RIT2: variants seen among roughly 807,000 people sequenced by gnomAD.
RIT2 encodes the protein GTP-binding protein Rit2.
In RIT2, 24 loss-of-function variants were observed where a neutral mutation model predicts 23.7. That is an observed-to-expected ratio of 1.01 (90% confidence interval 0.73 to 1.43). The LOEUF is 1.43. RIT2 is among the 40% of genes most tolerant of loss of function. The pLI is 0.00. For synonymous variants in RIT2, 107 were observed against 91.1 expected (o/e 1.17, Z -0.99); for missense variants, 236 against 266.9 (o/e 0.88, Z 0.81).
intron 4 of RIT2, among the ~76,000 whole-genome samples, chr18:42,842,217 G>C (rs1236485698): frequency 6.6e-6 from 1 of 152,114 alleles, no homozygotes; most frequent in Non-Finnish European, 1.5e-5. Flanking sequence ...TGCATTCATT[G>C]ATCCATTTAT....
intron 1 of RIT2, among the ~76,000 whole-genome samples, chr18:43,084,141 T>C (rs903405361): frequency 6.6e-6 from 1 of 152,148 alleles, no homozygotes; most frequent in African/African-American, 2.4e-5. Context: ...AAAAAGCTCA[T>C]CATCACTGGT....
chr18:42,811,453 T>C (rs929601825), intron 4 of RIT2, among the ~76,000 whole-genome samples: 2 of 152,086 alleles, frequency 1.3e-5, no homozygotes, highest in African/African-American at 2.4e-5. Flanking sequence ...CAGAACCATA[T>C]GTTAGTGATC....
At chr18:43,107,167 A>G (rs1913842686) in intron 1 of RIT2, among the ~76,000 whole-genome samples, 2 of 152,194 alleles carry the variant, frequency 1.3e-5, no homozygotes, top group African/African-American at 4.8e-5. Flanking sequence ...AAAATGGCCT[A>G]TTGGAAAAAT....
At chr18:42,886,308 TAAC>T (rs1459542974) in intron 4 of RIT2, among the ~76,000 whole-genome samples, 1 of 152,108 alleles carries the variant, frequency 6.6e-6, no homozygotes, top group Admixed American at 6.5e-5. Context: ...GCGCGCAGAA[TAAC>T]AATATAAATG....
chr18:42,878,948 C>T lies in RIT2; in HGVS notation c.426+44624G>A, dbSNP rs772697989. On this transcript the variant is annotated intron_variant, in intron 4 of 4. Transcript: ENST00000326695. ...AGTGACCCTTGTAATCTCTCCACTA[C>T]TTAAAAAATCTTCCCTAGGGTTTAC... Among the ~76,000 whole-genome samples the T allele has an allele frequency of 5.9e-5, 9 of 151,792 alleles. No homozygotes were observed. In the South Asian group the frequency reaches 1.5e-3, roughly 25 times the overall value.
chr18:42,926,084 T>C (rs1568031934), intron 3 of RIT2, among the ~76,000 whole-genome samples: 1 of 151,780 alleles, frequency 6.6e-6, no homozygotes, highest in Non-Finnish European at 1.5e-5. Flanking sequence ...AATTTATCTA[T>C]ACCTGAGAAT....
In RIT2 at chr18:42,799,378, T is replaced by A. The variant is rs146360489; in HGVS notation, c.427-55658A>T. Among the ~76,000 whole-genome samples the A allele has an allele frequency of 6.5e-3, 991 of 152,328 alleles. 8 individuals carry two copies. The highest frequency in any genetic ancestry group is 9.6e-3 in the Non-Finnish European group (653 of 68,024). ...TTGCATTTCTCATAAATAATCATCT[T>A]TCATATCCATTTGAATGCCCAAATA... On this transcript the variant is annotated intron_variant, in intron 4 of 4. Transcript: ENST00000326695.
chr18:43,044,650 G>T (rs533253641), intron 1 of RIT2, among the ~76,000 whole-genome samples: 20 of 152,304 alleles, frequency 1.3e-4, no homozygotes, highest in African/African-American at 4.6e-4. Flanking sequence ...CTTTCTATAG[G>T]TGTGTGGTTA....
intron 4 of RIT2, among the ~76,000 whole-genome samples, chr18:42,805,537 C>T (rs1905659947): frequency 6.6e-6 from 1 of 152,088 alleles, no homozygotes; most frequent in Admixed American, 6.6e-5. Context: ...TATTATATTA[C>T]ATTTAAATTT....
chr18:42,826,432 CA>C (rs1906299648), intron 4 of RIT2, among the ~76,000 whole-genome samples: 1 of 151,816 alleles, frequency 6.6e-6, no homozygotes, highest in Non-Finnish European at 1.5e-5. Flanking sequence ...TCAAAAGATG[CA>C]AAAAAACATT....
intron 2 of RIT2, among the ~76,000 whole-genome samples, chr18:43,003,012 A>G (rs1022042275): frequency 2.6e-5 from 4 of 151,884 alleles, no homozygotes; most frequent in African/African-American, 7.2e-5. Flanking sequence ...GCAGGTAGGG[A>G]AAAAAGCAAG....
rs752918518 is a variant in RIT2 at position 43,075,076 on chromosome 18, T to G, written c.103+40341A>C. Among the ~76,000 whole-genome samples, 49 of 152,102 alleles carry G rather than the reference T, an allele frequency of 3.2e-4. No individual in the cohort carries two copies. In the South Asian group the frequency reaches 4.3e-3, roughly 14 times the overall value. On this transcript the variant is annotated intron_variant, in intron 1 of 4. Transcript: ENST00000326695. ...AAATAAAATAAAATAAAATAAAAATTTTAAAAGACTCTTTTAAAAACACAG... is the reference window on the plus strand; with the variant it reads ...AAATAAAATAAAATAAAATAAAAATGTTAAAAGACTCTTTTAAAAACACAG...
At chr18:43,060,996 C>T (rs1439309895) in intron 1 of RIT2, among the ~76,000 whole-genome samples, 7 of 152,050 alleles carry the variant, frequency 4.6e-5, no homozygotes, top group Admixed American at 1.3e-4. Context: ...TGTTTTCATG[C>T]ACTCATTTAA....
intron 3 of RIT2, among the ~76,000 whole-genome samples, chr18:42,968,538 G>A (rs1910290738): frequency 2.0e-5 from 3 of 152,148 alleles, no homozygotes; most frequent in South Asian, 2.1e-4. Context: ...GAGTATGGTT[G>A]TAAACATATT....
At chr18:43,033,315 A>G (rs1439951256) in intron 2 of RIT2, among the ~76,000 whole-genome samples, 1 of 152,144 alleles carries the variant, frequency 6.6e-6, no homozygotes, top group Non-Finnish European at 1.5e-5. Flanking sequence ...CAATATTTTA[A>G]TACCTTAAAT....
chr18:42,767,272 G>A (rs989404647), intron 4 of RIT2, among the ~76,000 whole-genome samples: 1 of 152,196 alleles, frequency 6.6e-6, no homozygotes, highest in African/African-American at 2.4e-5. Flanking sequence ...AGCCACAGGG[G>A]CAGAGCTGCC....
At chr18:43,089,798 C>T (rs1438248033) in intron 1 of RIT2, among the ~76,000 whole-genome samples, 1 of 151,980 alleles carries the variant, frequency 6.6e-6, no homozygotes, top group Admixed American at 6.6e-5. Flanking sequence ...GAAGGATTCC[C>T]TACTCAATAA....
At chr18:42,749,001 T>C (rs661062) in intron 4 of RIT2, among the ~76,000 whole-genome samples, 82,160 of 151,854 alleles carry the variant, frequency 0.54, 25,068 homozygotes, top group Middle Eastern at 0.72. Flanking sequence ...ATTGATCCAA[T>C]TGACATATAC....
intron 4 of RIT2, among the ~76,000 whole-genome samples, chr18:42,834,218 T>C (rs922896496): frequency 1.3e-5 from 2 of 152,164 alleles, no homozygotes; most frequent in African/African-American, 4.8e-5. Context: ...GACTGACTGT[T>C]TTGTCCAAGA....
Sources: allele counts gnomAD v4.1 joint callset (sites outside exome capture counted in the v4.1 genomes callset), GRCh38; gene constraint gnomAD v4.1.1; transcripts MANE v1.5; gene names NCBI Gene and HGNC (gene_info 2026-07-23, HGNC 2026-07-21).